MARCHF1: variants seen among roughly 807,000 people sequenced by gnomAD.
MARCHF1 encodes E3 ubiquitin-protein ligase MARCHF1.
A neutral mutation model predicts 54.2 loss-of-function variants in MARCHF1; 40 were observed. The ratio of observed to expected loss-of-function variants is 0.74; its 90% CI spans 0.57 to 0.96. The LOEUF (loss-of-function observed/expected upper bound fraction) is 0.96. Among genes scored for constraint, MARCHF1 ranks in the 40% least tolerant of loss-of-function variants. MARCHF1 has a pLI of 0.00. For synonymous variants in MARCHF1, 236 were observed against 236.3 expected (o/e 1.00, Z 0.01); for missense variants, 586 against 656.5 (o/e 0.89, Z 1.17).
At chr4:164,205,506 T>C (rs1731581819) in intron 1 of MARCHF1, among the ~76,000 whole-genome samples, 1 of 152,160 alleles carries the variant, frequency 6.6e-6, no homozygotes, top group African/African-American at 2.4e-5. Flanking sequence ...ATGTCCATCA[T>C]CCTCAATTGA....
intron 4 of MARCHF1, among the ~76,000 whole-genome samples, chr4:163,740,626 T>C (rs1224831640): frequency 1.3e-5 from 2 of 152,186 alleles, no homozygotes; most frequent in Non-Finnish European, 2.9e-5. Context: ...CCCTTTACTG[T>C]ATACTATGTC....
At chr4:163,890,525 T>C (rs1384210051) in intron 3 of MARCHF1, among the ~76,000 whole-genome samples, 1 of 152,158 alleles carries the variant, frequency 6.6e-6, no homozygotes, top group Non-Finnish European at 1.5e-5. Flanking sequence ...TTGATCAATC[T>C]ATGCCTTAGT....
At chr4:164,048,196 G>T (rs958556937) in intron 2 of MARCHF1, among the ~76,000 whole-genome samples, 1 of 151,888 alleles carries the variant, frequency 6.6e-6, no homozygotes, top group African/African-American at 2.4e-5. Flanking sequence ...TTTTTAAATA[G>T]ATATTTTTAA....
intron 5 of MARCHF1, among the ~76,000 whole-genome samples, chr4:163,642,316 G>T (rs1271096409): frequency 6.6e-6 from 1 of 151,904 alleles, no homozygotes; most frequent in African/African-American, 2.4e-5. Context: ...ATAAAGAGTT[G>T]GTTCTTTTTT....
chr4:163,900,930 C>A (rs1560811109), intron 3 of MARCHF1, among the ~76,000 whole-genome samples: 1 of 152,136 alleles, frequency 6.6e-6, no homozygotes, highest in Non-Finnish European at 1.5e-5. Flanking sequence ...TCCAGGATGA[C>A]ATTACTAAAA....
At chr4:164,226,506 C>A (rs955396860) in intron 1 of MARCHF1, among the ~76,000 whole-genome samples, 1 of 151,820 alleles carries the variant, frequency 6.6e-6, no homozygotes, top group Non-Finnish European at 1.5e-5. Context: ...AATAAACACA[C>A]AAATAAATGA....
At chr4:164,172,659 G>T (rs1297737527) in intron 1 of MARCHF1, among the ~76,000 whole-genome samples, 2 of 152,142 alleles carry the variant, frequency 1.3e-5, no homozygotes, top group Admixed American at 1.3e-4. Context: ...TTTTGTGTCA[G>T]ATTATTATAA....
chr4:163,602,972 A>G (rs1741020934), intron 7 of MARCHF1, among the ~76,000 whole-genome samples: 1 of 152,100 alleles, frequency 6.6e-6, no homozygotes, highest in Non-Finnish European at 1.5e-5. Context: ...CTTTCTCACA[A>G]TTAGAGACTC....
At chr4:164,044,860 C>T (rs918660799) in intron 2 of MARCHF1, among the ~76,000 whole-genome samples, 1 of 151,896 alleles carries the variant, frequency 6.6e-6, no homozygotes, top group South Asian at 2.1e-4. Flanking sequence ...TATTTCTCTC[C>T]CCCAGTTCTA....
chr4:164,147,747 C>T lies in MARCHF1; in HGVS notation c.-322-36085G>A, dbSNP rs551149315. Among the ~76,000 whole-genome samples, 784 of 146,092 alleles carry T rather than the reference C, an allele frequency of 5.4e-3. 7 individuals are homozygous for T. Among genetic ancestry groups the T allele is most frequent in the African/African-American group, 0.019 (748 of 39,112 alleles). On this transcript the variant is annotated intron_variant, in intron 1 of 9. Coordinates refer to ENST00000514618, the MANE Select transcript of MARCHF1 (RefSeq NM_001394959.1). ...AGATGACGAGTTAGTGGGTGCAGCG[C>T]ACCAGCATGGCACATGTATACAAAT...
At chr4:163,620,555 G>A (rs1741644375) in intron 5 of MARCHF1, among the ~76,000 whole-genome samples, 1 of 124,278 alleles carries the variant, frequency 8.0e-6, no homozygotes. Flanking sequence ...GCCATAAAAA[G>A]AATGAGGTAC....
intron 7 of MARCHF1, among the ~76,000 whole-genome samples, chr4:163,592,521 T>C (rs1740624795): frequency 6.6e-6 from 1 of 151,990 alleles, no homozygotes; most frequent in African/African-American, 2.4e-5. Context: ...CCACATTTTT[T>C]TTTTTTTCAC....
At chr4:163,775,790 G>T (rs924006217) in intron 4 of MARCHF1, among the ~76,000 whole-genome samples, 1 of 152,082 alleles carries the variant, frequency 6.6e-6, no homozygotes, top group South Asian at 2.1e-4. Context: ...TATAAAAAAA[G>T]GGGGAAAAAA....
At chr4:164,179,929 T>C (rs1730789153) in intron 1 of MARCHF1, among the ~76,000 whole-genome samples, 1 of 149,806 alleles carries the variant, frequency 6.7e-6, no homozygotes. Context: ...GCTAAATGTT[T>C]ATGGCAAGGA....
intron 3 of MARCHF1, among the ~76,000 whole-genome samples, chr4:163,934,391 T>C (rs972721680): frequency 1.3e-5 from 2 of 149,632 alleles, no homozygotes; most frequent in Non-Finnish European, 3.0e-5. Flanking sequence ...ATGCTTCATC[T>C]CTGCAATTTT....
At chr4:164,118,239 A>G (rs1579549567) in intron 1 of MARCHF1, among the ~76,000 whole-genome samples, 3 of 151,926 alleles carry the variant, frequency 2.0e-5, no homozygotes, top group African/African-American at 7.2e-5. Context: ...ACTTTGGAAA[A>G]CAGTAAACCC....
chr4:163,604,727 C>A (rs370569618), intron 7 of MARCHF1, among the ~76,000 whole-genome samples: 1 of 152,106 alleles, frequency 6.6e-6, no homozygotes, highest in Non-Finnish European at 1.5e-5. Flanking sequence ...ACCTCTGCTC[C>A]CTGGCTCTCT....
chr4:164,161,897 T>G (rs1205595320), intron 1 of MARCHF1, among the ~76,000 whole-genome samples: 4 of 152,164 alleles, frequency 2.6e-5, no homozygotes, highest in Non-Finnish European at 5.9e-5. Context: ...TGACACATAG[T>G]TCACTGAGGG....
chr4:163,678,516 T>A (rs1246884520), intron 5 of MARCHF1, among the ~76,000 whole-genome samples: 1 of 152,206 alleles, frequency 6.6e-6, no homozygotes, highest in African/African-American at 2.4e-5. Flanking sequence ...GGCAGACTCC[T>A]TTAAGGAAAC....
Sources: gnomAD v4.1 joint callset for allele counts (sites outside exome capture counted in the v4.1 genomes callset) on GRCh38, gnomAD v4.1.1 for gene constraint, MANE v1.5 for transcripts, NCBI Gene and HGNC (gene_info 2026-07-23, HGNC 2026-07-21) for gene names.